Variants in CCDC91 observed in about 807,000 individuals in gnomAD.
CCDC91 encodes the protein coiled-coil domain containing 91.
In CCDC91, 48 loss-of-function variants were observed where a neutral mutation model predicts 63.2. The observed-to-expected ratio is 0.76, with a 90% CI of 0.60 to 0.97. The LOEUF is 0.97. Ranked by LOEUF, CCDC91 falls within the 50% of genes least tolerant of loss-of-function variation. The pLI is 0.00. For missense variants in CCDC91, 500 were observed against 494.6 expected (o/e 1.01, Z -0.10); for synonymous variants, 167 against 165.8 (o/e 1.01, Z -0.06).
At chr12:28,411,016 C>T (rs1947286340) in intron 8 of CCDC91, among the ~76,000 whole-genome samples, 1 of 151,516 alleles carries the variant, frequency 6.6e-6, no homozygotes, top group South Asian at 2.1e-4. Flanking sequence ...ATCTATATGT[C>T]TTTGTTATTT....
At chr12:28,275,181 G>A (rs1457585963) in intron 3 of CCDC91, among the ~76,000 whole-genome samples, 1 of 152,094 alleles carries the variant, frequency 6.6e-6, no homozygotes, top group African/African-American at 2.4e-5. Flanking sequence ...GAATCCAGGA[G>A]CTGGTTTTTT....
At chr12:28,511,079 T>C (rs1001045865) in intron 12 of CCDC91, among the ~76,000 whole-genome samples, 2 of 151,936 alleles carry the variant, frequency 1.3e-5, no homozygotes, top group African/African-American at 4.8e-5. Flanking sequence ...CTTACCACCT[T>C]TCTTCACTGT....
At position 28,527,130 on chromosome 12, in the gene CCDC91, C is replaced by A. The variant is rs868559965; in HGVS notation, c.1216-21933C>A. Among the ~76,000 whole-genome samples, 194 of 152,004 alleles carry A rather than the reference C, an allele frequency of 1.3e-3. 1 individual carries two copies. The highest frequency in any genetic ancestry group is 4.6e-3 in the African/African-American group (190 of 41,460). On this transcript the variant is annotated intron_variant, in intron 12 of 12. Coordinates refer to ENST00000536442, the MANE Select transcript of CCDC91 (RefSeq NM_018318.5). ...GGTAAATCAGGGATTTCTTCTTGGT[C>A]TGGATTCATATTTGGTGAGCTAGTG... is the stretch of plus-strand genomic sequence containing the variant.
intron 7 of CCDC91, among the ~76,000 whole-genome samples, chr12:28,363,132 T>C (rs1944013466): frequency 6.6e-6 from 1 of 152,200 alleles, no homozygotes; most frequent in South Asian, 2.1e-4. Flanking sequence ...TATGTTTTTA[T>C]TGAAATAAAA....
chr12:28,468,773 G>C (rs1199093749), intron 11 of CCDC91, among the ~76,000 whole-genome samples: 2 of 151,994 alleles, frequency 1.3e-5, no homozygotes, highest in African/African-American at 4.8e-5. Context: ...GGGATGCAAG[G>C]ACGGTTAACA....
chr12:28,414,030 A>G (rs1431688424), intron 8 of CCDC91, among the ~76,000 whole-genome samples: 1 of 152,162 alleles, frequency 6.6e-6, no homozygotes, highest in African/African-American at 2.4e-5. Context: ...TGGGTCTGTG[A>G]TTTACCACTT....
At chr12:28,480,422 T>C (rs1355229324) in intron 11 of CCDC91, among the ~76,000 whole-genome samples, 1 of 152,068 alleles carries the variant, frequency 6.6e-6, no homozygotes, top group Non-Finnish European at 1.5e-5. Context: ...ATTTATATTT[T>C]ATTTTCACAA....
chr12:28,258,942 G>C (rs1946638535), intron 2 of CCDC91, among the ~76,000 whole-genome samples: 1 of 151,854 alleles, frequency 6.6e-6, no homozygotes, highest in South Asian at 2.1e-4. Flanking sequence ...CTATTTCTTT[G>C]AATTAATCTC....
intron 12 of CCDC91, among the ~76,000 whole-genome samples, chr12:28,545,615 C>G (rs1942934416): frequency 6.6e-6 from 1 of 151,992 alleles, no homozygotes; most frequent in Non-Finnish European, 1.5e-5. Flanking sequence ...TTTCAGAGTG[C>G]TCTGGGGAGG....
intron 3 of CCDC91, among the ~76,000 whole-genome samples, chr12:28,268,286 A>G (rs1947495241): frequency 6.6e-6 from 1 of 151,788 alleles, no homozygotes; most frequent in African/African-American, 2.4e-5. Flanking sequence ...GATAGTCTCC[A>G]TCTCCTGACC....
intron 1 of CCDC91, among the ~76,000 whole-genome samples, chr12:28,195,692 GA>G (rs1272732270): frequency 1.3e-5 from 2 of 152,240 alleles, no homozygotes; most frequent in African/African-American, 4.8e-5. Flanking sequence ...GTACATTTTA[GA>G]ATCTCTTTAT....
chr12:28,523,363 T>A (rs894349799), intron 12 of CCDC91, among the ~76,000 whole-genome samples: 1 of 152,190 alleles, frequency 6.6e-6, no homozygotes, highest in East Asian at 1.9e-4. Flanking sequence ...TCTGTTGGTT[T>A]AAAGTCTGTT....
chr12:28,534,240 C>T (rs1941974313), intron 12 of CCDC91, among the ~76,000 whole-genome samples: 1 of 152,082 alleles, frequency 6.6e-6, no homozygotes, highest in African/African-American at 2.4e-5. Flanking sequence ...TTAGGCAGTG[C>T]TTACTTTCCA....
At chr12:28,289,976 G>A (rs1273170212) in intron 3 of CCDC91, among the ~76,000 whole-genome samples, 1 of 152,106 alleles carries the variant, frequency 6.6e-6, no homozygotes, top group Non-Finnish European at 1.5e-5. Context: ...ACAGGCGTGA[G>A]CCACCACACC....
At position 28,498,911 on chromosome 12, in the gene CCDC91, C is replaced by G. The variant is rs145578246; in HGVS notation, c.1215+14746C>G. Among the ~76,000 whole-genome samples, 754 of 151,770 alleles carry G rather than the reference C, an allele frequency of 5.0e-3. 1 individual carries two copies. In the Middle Eastern group the frequency reaches 0.058, roughly 12 times the overall value. On this transcript the variant is annotated intron_variant, in intron 12 of 12. Coordinates refer to ENST00000536442, the MANE Select transcript of CCDC91 (RefSeq NM_018318.5). Reference sequence around the variant, plus strand: ...ATAAGCTCTAAAAGAGAAAAGACCTCATTTGTTTTGTTCACTGCTGTATTC... The same window carrying G: ...ATAAGCTCTAAAAGAGAAAAGACCTGATTTGTTTTGTTCACTGCTGTATTC...
chr12:28,361,549 T>G (rs1434969009), intron 6 of CCDC91, among the ~76,000 whole-genome samples: 3 of 151,822 alleles, frequency 2.0e-5, no homozygotes, highest in African/African-American at 7.2e-5. Context: ...TTCCATCATA[T>G]TAAATATTCC....
chr12:28,304,402 G>GAAAAA (rs57660180), intron 3 of CCDC91, among the ~76,000 whole-genome samples: 5 of 99,268 alleles, frequency 5.0e-5, no homozygotes, highest in African/African-American at 2.1e-4. Flanking sequence ...AAAAAAAAAA[G>GAAAAA]AAAAAAAAAA....
At chr12:28,394,949 A>G (rs1044908755) in intron 8 of CCDC91, among the ~76,000 whole-genome samples, 2 of 152,134 alleles carry the variant, frequency 1.3e-5, no homozygotes, top group African/African-American at 4.8e-5. Flanking sequence ...CAGATGTGCA[A>G]TAGTGCTTAG....
chr12:28,271,091 C>T (rs563935712), intron 3 of CCDC91, among the ~76,000 whole-genome samples: 5 of 152,060 alleles, frequency 3.3e-5, no homozygotes, highest in African/African-American at 7.2e-5. Context: ...AGGTAGGTAC[C>T]GCATTATAGC....
Sources: allele counts gnomAD v4.1 joint callset (sites outside exome capture counted in the v4.1 genomes callset), GRCh38; gene constraint gnomAD v4.1.1; transcripts MANE v1.5; gene names NCBI Gene and HGNC (gene_info 2026-07-23, HGNC 2026-07-21).